Variants in RBM6 observed in about 807,000 individuals in gnomAD.
RBM6 encodes RNA-binding protein 6.
RBM6 carries 23 observed loss-of-function variants against 140.4 expected under a neutral mutation model. The ratio of observed to expected loss-of-function variants is 0.16; its 90% CI spans 0.12 to 0.23. The LOEUF (loss-of-function observed/expected upper bound fraction) is 0.23, where lower values mean the gene tolerates loss of function less well. Among genes scored for constraint, RBM6 ranks in the 10% least tolerant of loss-of-function variants. The pLI, the probability that RBM6 is intolerant of heterozygous loss-of-function variation, is 1.00. For missense variants in RBM6, 1,139 were observed against 1,386.7 expected, an observed-to-expected ratio of 0.82 and a Z score of 2.84; for synonymous variants, 439 against 475.6, an observed-to-expected ratio of 0.92 and a Z score of 1.00.
intron 18 of RBM6, among the ~76,000 whole-genome samples, chr3:50,069,586 A>C (rs2090234804): frequency 6.6e-6 from 1 of 150,736 alleles, no homozygotes; most frequent in Non-Finnish European, 1.5e-5. Context: ...GCAGTTTAGG[A>C]GGCTGAGGTG....
At chr3:49,948,976 C>T (rs1384098894) in intron 1 of RBM6, among the ~76,000 whole-genome samples, 2 of 149,912 alleles carry the variant, frequency 1.3e-5, no homozygotes, top group Non-Finnish European at 3.0e-5. Context: ...GTTACAGGTA[C>T]CTGCCACCAC....
chr3:50,055,907 A>C (rs1378597102), intron 8 of RBM6, among the ~76,000 whole-genome samples: 1 of 152,242 alleles, frequency 6.6e-6, no homozygotes, highest in African/African-American at 2.4e-5. Context: ...AGAGTCAGAC[A>C]CATGCATCCA....
chr3:50,019,990 C>T (rs984121308), intron 6 of RBM6, among the ~76,000 whole-genome samples: 6 of 151,626 alleles, frequency 4.0e-5, no homozygotes, highest in African/African-American at 1.5e-4. Context: ...ACAATCACAG[C>T]TCACTATAAC....
intron 11 of RBM6, among the ~76,000 whole-genome samples, chr3:50,060,572 C>T (rs940527984): frequency 1.5e-5 from 2 of 132,894 alleles, no homozygotes; most frequent in Non-Finnish European, 3.2e-5. Flanking sequence ...ACGGTAAAAC[C>T]CCGTCTCTAC....
At chr3:50,014,040 A>G (rs905360586) in intron 6 of RBM6, among the ~76,000 whole-genome samples, 7 of 152,326 alleles carry the variant, frequency 4.6e-5, no homozygotes, top group African/African-American at 1.4e-4. Flanking sequence ...AAAAATCTCT[A>G]TTGCTGAGGT....
At chr3:49,953,196 T>C (rs1020717098) in intron 1 of RBM6, among the ~76,000 whole-genome samples, 2 of 150,812 alleles carry the variant, frequency 1.3e-5, no homozygotes, top group Non-Finnish European at 2.9e-5. Context: ...ACTGGGACCT[T>C]AGGGGCGTGC....
chr3:50,065,347 C>G (rs908751241), intron 16 of RBM6, among the ~76,000 whole-genome samples: 1 of 152,228 alleles, frequency 6.6e-6, no homozygotes, highest in Non-Finnish European at 1.5e-5. Flanking sequence ...TATCTGGACT[C>G]TTTCTCTCTG....
At chr3:50,069,947 G>A (rs1575879328) in intron 18 of RBM6, among the ~76,000 whole-genome samples, 1 of 152,284 alleles carries the variant, frequency 6.6e-6, no homozygotes, top group East Asian at 1.9e-4. Context: ...GCGGAACCAA[G>A]CGTGCCAACT....
At chr3:49,962,795 A>G in intron 2 of RBM6, 110 bp downstream of exon 2, 3 of 1,209,780 alleles carry the variant, frequency 2.5e-6, no homozygotes, top group Non-Finnish European at 3.4e-6. Flanking sequence ...ATAGTTTCTG[A>G]TTTTTTAAAA....
rs1559553008 is a variant in RBM6, at chr3:49,984,654, TC to T, written c.1483+9263del. Among the ~76,000 whole-genome samples the T allele has an allele frequency of 8.0e-3, 1,073 of 134,600 alleles. 8 individuals are homozygous for T. Among genetic ancestry groups the T allele is most frequent in the Non-Finnish European group, 0.013 (781 of 57,924 alleles). The allele number at this position is 134,600 out of a possible 152,430, so 88.3% of individuals were successfully genotyped here. On this transcript the variant is annotated intron_variant, in intron 5 of 20. Coordinates refer to ENST00000266022, the MANE Select transcript of RBM6 (RefSeq NM_005777.3). Reference sequence around the variant, plus strand: ...TCGCATCGCATCGCATCGCATCGCATCGCATCGCATTGCATCACATCACATC... The same window carrying T: ...TCGCATCGCATCGCATCGCATCGCATGCATCGCATTGCATCACATCACATC...
intron 1 of RBM6, among the ~76,000 whole-genome samples, chr3:49,948,717 G>GAAA (rs1298504771): frequency 9.2e-6 from 1 of 108,300 alleles, no homozygotes. Context: ...TCTCAAAAAA[G>GAAA]AAAAAAAAAA....
intron 15 of RBM6, 41 bp from the exon 16 acceptor site, chr3:50,064,990 A>C (rs919701614): frequency 6.6e-7 from 1 of 1,523,792 alleles, no homozygotes; most frequent in Admixed American, 1.7e-5. Flanking sequence ...ATCAGTTATT[A>C]TGAGTGAATA....
intron 7 of RBM6, among the ~76,000 whole-genome samples, chr3:50,053,606 T>G (rs1335814309): frequency 6.6e-6 from 1 of 152,168 alleles, no homozygotes; most frequent in Non-Finnish European, 1.5e-5. Flanking sequence ...CTGGCAGACC[T>G]TTACTCGCCC....
Position 49,968,716 on chromosome 3 carries a change from A to C in RBM6, c.1291A>C (p.Lys431Gln). The C allele has an allele frequency of 6.2e-7, 1 of 1,612,938 alleles. No individual in the cohort carries two copies. Among genetic ancestry groups the C allele is most frequent in the Non-Finnish European group, 8.5e-7 (1 of 1,179,558 alleles). The part of the protein sequence containing the change: ...YGQSKSFPEG[K>Q]TARDAQRDLQ... ...CCAGAGCAAGTCTTTTCCAGAGGGC[A>C]AAACTGCCCGAGATGCCCAACGGGA... Residue 431 changes from lysine (K) to glutamine (Q), a missense_variant, in exon 3 of 21, where the codon AAA becomes CAA. Transcript: ENST00000266022.
chr3:50,015,088 T>G (rs2087054591), intron 6 of RBM6, among the ~76,000 whole-genome samples: 1 of 150,246 alleles, frequency 6.7e-6, no homozygotes, highest in Non-Finnish European at 1.5e-5. Context: ...TATTTTTAAA[T>G]TTTTTGTTTT....
At chr3:50,061,041 G>C (rs1438169271) in intron 12 of RBM6, 43 bp downstream of exon 12, 2 of 1,598,412 alleles carry the variant, frequency 1.3e-6, no homozygotes, top group Non-Finnish European at 1.7e-6. Context: ...AAATCCTCAG[G>C]TGACTATAAG....
rs1316533908 is a variant in RBM6 at position 50,054,193 on chromosome 3, G to T, written c.1633-142G>T. 8.7e-6 allele frequency: 6 copies of T among 690,028 alleles called. No individual in the cohort carries two copies. In the Admixed American group the frequency reaches 9.4e-5, roughly 11 times the overall value. The allele number at this position is 690,028 out of a possible 1,614,324, so 42.7% of individuals were successfully genotyped here. On this transcript the variant is annotated intron_variant, in intron 7 of 20. Transcript: ENST00000266022. ...CCATCTGCCAGCTCTAATCAGTGGG[G>T]AATATCAGATTCTTTTTTTAAGCTT... is the stretch of plus-strand genomic sequence containing the variant.
At chr3:49,971,849 C>T (rs1040049600) in intron 3 of RBM6, among the ~76,000 whole-genome samples, 5 of 152,144 alleles carry the variant, frequency 3.3e-5, no homozygotes, top group African/African-American at 4.8e-5. Context: ...TTTGAAGACT[C>T]TTTCAGTGAG....
At chr3:50,042,207 G>A (rs2108861022) in intron 6 of RBM6, among the ~76,000 whole-genome samples, 1 of 152,280 alleles carries the variant, frequency 6.6e-6, no homozygotes, top group Non-Finnish European at 1.5e-5. Flanking sequence ...ACAATGAAGA[G>A]TAATTGTGAC....
Sources: gnomAD v4.1 joint callset for allele counts (sites outside exome capture counted in the v4.1 genomes callset) on GRCh38, gnomAD v4.1.1 for gene constraint, MANE v1.5 for transcripts, NCBI Gene and HGNC (gene_info 2026-07-23, HGNC 2026-07-21) for gene names.